Variants in TRIT1 observed in about 807,000 individuals in gnomAD.
TRIT1 encodes the protein tRNA isopentenyltransferase 1.
TRIT1 carries 43 observed loss-of-function variants against 51.2 expected under a neutral mutation model. The ratio of observed to expected loss-of-function variants is 0.84; its 90% CI spans 0.66 to 1.08. TRIT1 has a LOEUF of 1.08. Among genes scored for constraint, TRIT1 ranks in the 50% least tolerant of loss-of-function variants. The pLI, the probability that TRIT1 is intolerant of heterozygous loss-of-function variation, is 0.00. For missense variants in TRIT1, 528 were observed against 578.4 expected, an observed-to-expected ratio of 0.91 and a Z score of 0.89; for synonymous variants, 184 against 203.9, an observed-to-expected ratio of 0.90 and a Z score of 0.83.
intron 1 of TRIT1, among the ~76,000 whole-genome samples, chr1:39,881,000 C>G (rs1644243841): frequency 1.3e-5 from 2 of 151,714 alleles, no homozygotes; most frequent in African/African-American, 4.8e-5. Context: ...GGTGGATCAC[C>G]TGAGGTCAGG....
At chr1:39,871,743 T>C (rs918206813) in intron 1 of TRIT1, among the ~76,000 whole-genome samples, 1 of 152,032 alleles carries the variant, frequency 6.6e-6, no homozygotes, top group Non-Finnish European at 1.5e-5. Flanking sequence ...TTGAAGGAGA[T>C]AGAGGGGTTG....
chr1:39,842,881 G>A (rs528541293), intron 10 of TRIT1, among the ~76,000 whole-genome samples: 4 of 152,030 alleles, frequency 2.6e-5, no homozygotes, highest in Admixed American at 2.0e-4. Context: ...GGCAAAAAAC[G>A]GGCTTCTGGG....
At chr1:39,879,755 C>A (rs975757335) in intron 1 of TRIT1, among the ~76,000 whole-genome samples, 6 of 151,432 alleles carry the variant, frequency 4.0e-5, no homozygotes, top group Admixed American at 1.3e-4. Flanking sequence ...TGCCTGTAGT[C>A]CCAGCTACTA....
intron 5 of TRIT1, among the ~76,000 whole-genome samples, chr1:39,848,389 G>A (rs1415055938): frequency 1.3e-5 from 2 of 151,992 alleles, no homozygotes; most frequent in Non-Finnish European, 2.9e-5. Flanking sequence ...TATGGAATGT[G>A]TTTTAGAGGT....
chr1:39,865,272 A>G (rs1300942783), intron 1 of TRIT1, among the ~76,000 whole-genome samples: 2 of 152,126 alleles, frequency 1.3e-5, no homozygotes, highest in African/African-American at 4.8e-5. Flanking sequence ...TCCTCCATCT[A>G]CTTTACTGAG....
At chr1:39,880,419 C>G (rs1295834604) in intron 1 of TRIT1, among the ~76,000 whole-genome samples, 1 of 151,908 alleles carries the variant, frequency 6.6e-6, no homozygotes, top group Non-Finnish European at 1.5e-5. Context: ...GATTCAACAT[C>G]AACAATATCA....
At chr1:39,866,041 GAA>G in intron 1 of TRIT1, among the ~76,000 whole-genome samples, 1 of 131,652 alleles carries the variant, frequency 7.6e-6, no homozygotes, top group Non-Finnish European at 1.7e-5. Flanking sequence ...GAAAAGAAAA[GAA>G]AAAGAAAAGA....
chr1:39,864,691 A>C (rs1643438457), intron 1 of TRIT1, among the ~76,000 whole-genome samples: 1 of 151,380 alleles, frequency 6.6e-6, no homozygotes, highest in African/African-American at 2.4e-5. Flanking sequence ...CCTTGCAGAT[A>C]CTCCCCCCAG....
intron 2 of TRIT1, among the ~76,000 whole-genome samples, chr1:39,855,368 T>G (rs1307253425): frequency 6.6e-6 from 1 of 152,136 alleles, no homozygotes; most frequent in Non-Finnish European, 1.5e-5. Context: ...GAAAACAAAT[T>G]CTCTATTTCC....
chr1:39,859,233 G>A (rs567692948), intron 1 of TRIT1, among the ~76,000 whole-genome samples: 53 of 115,708 alleles, frequency 4.6e-4, no homozygotes, highest in African/African-American at 1.8e-3. Flanking sequence ...TCCAGCCTGG[G>A]CAACAGAGTG....
chr1:39,868,774 C>T (rs952600343), intron 1 of TRIT1, among the ~76,000 whole-genome samples: 1 of 151,296 alleles, frequency 6.6e-6, no homozygotes, highest in African/African-American at 2.4e-5. Context: ...AGAAGCTCAA[C>T]ACTGGCTGGG....
chr1:39,880,094 G>T (rs1180152035), intron 1 of TRIT1, among the ~76,000 whole-genome samples: 1 of 151,494 alleles, frequency 6.6e-6, no homozygotes, highest in African/African-American at 2.4e-5. Context: ...ACAATCACTG[G>T]AATCCTGGAG....
chr1:39,869,864 G>A (rs1643785815), intron 1 of TRIT1, among the ~76,000 whole-genome samples: 2 of 151,772 alleles, frequency 1.3e-5, no homozygotes, highest in Non-Finnish European at 2.9e-5. Flanking sequence ...GAGCGTCTCT[G>A]CCAGGCAGCT....
chr1:39,871,280 CAACA>C (rs2124668979), intron 1 of TRIT1, among the ~76,000 whole-genome samples: 1 of 152,252 alleles, frequency 6.6e-6, no homozygotes, highest in African/African-American at 2.4e-5. Flanking sequence ...ACGCATGCAA[CAACA>C]TGGAAGAATT....
chr1:39,853,161 G>A (rs936476493), intron 3 of TRIT1, among the ~76,000 whole-genome samples: 6 of 152,132 alleles, frequency 3.9e-5, no homozygotes, highest in Non-Finnish European at 8.8e-5. Context: ...GCATATCCAG[G>A]AGTCTAGTCT....
At chr1:39,862,637 C>A (rs1209613140) in intron 1 of TRIT1, among the ~76,000 whole-genome samples, 1 of 152,158 alleles carries the variant, frequency 6.6e-6, no homozygotes, top group African/African-American at 2.4e-5. Flanking sequence ...TCTAAACAAA[C>A]TTAGAAATTA....
chr1:39,881,022 A>T (rs774131450), intron 1 of TRIT1, among the ~76,000 whole-genome samples: 1 of 151,918 alleles, frequency 6.6e-6, no homozygotes, highest in Non-Finnish European at 1.5e-5. Context: ...GTTCGAGACC[A>T]GTCTGGCCAA....
At chr1:39,880,269 A>T (rs143139924) in intron 1 of TRIT1, among the ~76,000 whole-genome samples, 14,806 of 63,074 alleles carry the variant, frequency 0.23, 314 homozygotes, top group African/African-American at 0.42. Context: ...GACCTCAAAT[A>T]AAAAAAAAAA....
chr1:39,854,968 C>A, intron 2 of TRIT1, among the ~76,000 whole-genome samples: 1 of 152,062 alleles, frequency 6.6e-6, no homozygotes, highest in South Asian at 2.1e-4. Context: ...TCAGCTCCCG[C>A]CACCAAGTAG....
Sources: allele counts gnomAD v4.1 joint callset (sites outside exome capture counted in the v4.1 genomes callset), GRCh38; gene constraint gnomAD v4.1.1; transcripts MANE v1.5; gene names NCBI Gene and HGNC (gene_info 2026-07-23, HGNC 2026-07-21).